Variants in CACNA2D4 observed in about 807,000 individuals in gnomAD.
CACNA2D4 encodes the protein voltage-dependent calcium channel subunit alpha-2/delta-4.
In CACNA2D4, 157 loss-of-function variants were observed where a neutral mutation model predicts 163.8. The observed-to-expected ratio is 0.96, with a 90% CI of 0.84 to 1.09. The LOEUF is 1.09. CACNA2D4 is among the 50% of genes least tolerant of loss of function. CACNA2D4 has a pLI of 0.00. For missense variants in CACNA2D4, 1,410 were observed against 1,479.9 expected, an observed-to-expected ratio of 0.95 and a Z score of 0.78; for synonymous variants, 598 against 586.9, an observed-to-expected ratio of 1.02 and a Z score of -0.27.
At chr12:1,826,407 C>A (rs1037276791) in intron 26 of CACNA2D4, among the ~76,000 whole-genome samples, 2 of 59,482 alleles carry the variant, frequency 3.4e-5, no homozygotes, top group Non-Finnish European at 4.5e-5. Context: ...AGAGCCCCCC[C>A]CCCCCCCCCG....
chr12:1,837,165 C>T (rs567671742), intron 26 of CACNA2D4, among the ~76,000 whole-genome samples: 5 of 152,372 alleles, frequency 3.3e-5, no homozygotes, highest in African/African-American at 1.2e-4. Context: ...TCGGCCCTGG[C>T]AGCCAGGACA....
intron 23 of CACNA2D4, among the ~76,000 whole-genome samples, chr12:1,852,511 AT>A (rs1781737787): frequency 6.6e-6 from 1 of 152,064 alleles, no homozygotes; most frequent in Non-Finnish European, 1.5e-5. Context: ...TCTCTACAAA[AT>A]TTTTTTAAAT....
intron 31 of CACNA2D4, 37 bp downstream of exon 31, chr12:1,801,006 G>A: frequency 6.3e-7 from 1 of 1,592,698 alleles, no homozygotes; most frequent in Non-Finnish European, 8.6e-7. Flanking sequence ...AGGACTGGCT[G>A]GCTGGCTGGC....
chr12:1,818,371 C>G (rs1257212672), intron 26 of CACNA2D4, among the ~76,000 whole-genome samples: 1 of 151,796 alleles, frequency 6.6e-6, no homozygotes, highest in East Asian at 1.9e-4. Flanking sequence ...GGATGGTTGC[C>G]GTGTCTGTGT....
In CACNA2D4 at chr12:1,793,678, G is replaced by T. The variant is rs772322577; in HGVS notation, c.3391C>A (p.Leu1131Ile). The change falls in exon 38 of 38, where the codon CTA (leucine) becomes ATA (isoleucine). Residue 1131 changes from leucine to isoleucine, a missense_variant. Physicochemically the swap from Leu to Ile is conservative, Grantham distance 5 (BLOSUM62 2). Coordinates refer to ENST00000382722, the MANE Select transcript of CACNA2D4 (RefSeq NM_172364.5). ...LLLLPVCAWG[L>I]LPQLLR The stretch of plus-strand genomic sequence containing the variant: ...TGTCACCGCAGGAGTTGGGGCAGTA[G>T]CCCCCAGGCACACACAGGCAGCAGG... 2 of 1,613,824 alleles carry T rather than the reference G, an allele frequency of 1.2e-6. No homozygotes were observed. The highest frequency in any genetic ancestry group is 4.5e-5 in the East Asian group (2 of 44,882).
At chr12:1,845,181 T>A (rs1865116158) in intron 24 of CACNA2D4, among the ~76,000 whole-genome samples, 1 of 152,300 alleles carries the variant, frequency 6.6e-6, no homozygotes, top group African/African-American at 2.4e-5. Context: ...AGAAGCAACC[T>A]GCCTTGTGAC....
At chr12:1,796,470 C>T (rs1863131144) in intron 35 of CACNA2D4, among the ~76,000 whole-genome samples, 1 of 152,234 alleles carries the variant, frequency 6.6e-6, no homozygotes, top group African/African-American at 2.4e-5. Flanking sequence ...CGGTCATAAG[C>T]GGGGGAGCGC....
At chr12:1,801,701 C>G (rs967603664) in intron 29 of CACNA2D4, 57 bp from the exon 30 acceptor site, 1 of 1,212,838 alleles carries the variant, frequency 8.2e-7, no homozygotes, top group African/African-American at 1.5e-5. Flanking sequence ...CAGGATGGAG[C>G]CTTCCGAGTC....
chr12:1,844,349 ATGAGACTGGCC>A lies in CACNA2D4; in HGVS notation c.2470+42_2470+52del. 2 of 1,597,710 alleles carry A rather than the reference ATGAGACTGGCC, an allele frequency of 1.3e-6. No individual in the cohort carries two copies. Among genetic ancestry groups the A allele is most frequent in the Non-Finnish European group, 1.7e-6 (2 of 1,169,812 alleles). On this transcript the variant is annotated intron_variant, in intron 25 of 37. Coordinates refer to ENST00000382722, the MANE Select transcript of CACNA2D4 (RefSeq NM_172364.5). The surrounding 1 kb of genome is among the most constrained non-coding windows in gnomAD (Gnocchi z 4.2). ...CACTAAGAGCACAGCAGGAGGAGAG[ATGAGACTGGCC>A]TGAGACTGGCCCAGCCCCGGGAGCA...
At chr12:1,856,807 G>T (rs1375955007) in intron 20 of CACNA2D4, among the ~76,000 whole-genome samples, 1 of 152,178 alleles carries the variant, frequency 6.6e-6, no homozygotes, top group African/African-American at 2.4e-5. Flanking sequence ...GATGCTCCAT[G>T]GCACCTACTC....
intron 37 of CACNA2D4, 182 bp downstream of exon 37, chr12:1,795,117 G>A (rs1308400626): frequency 1.7e-6 from 1 of 604,706 alleles, no homozygotes; most frequent in East Asian, 2.8e-5. Flanking sequence ...ACTAAATAAA[G>A]ATCTGTTTCT....
intron 35 of CACNA2D4, 21 bp downstream of exon 35, chr12:1,797,397 G>T: frequency 6.7e-7 from 1 of 1,499,480 alleles, no homozygotes; most frequent in South Asian, 1.2e-5. Context: ...CGGGACGGGC[G>T]GCGCCGCCCT....
rs140310524 is a variant in CACNA2D4, at chr12:1,831,509, G to A, written c.2551+9230C>T. 37 of 1,612,984 alleles carry A rather than the reference G, an allele frequency of 2.3e-5. No individual in the cohort carries two copies. The African/African-American group carries it at 4.7e-4, about 20-fold the overall frequency. On this transcript the variant is annotated intron_variant, in intron 26 of 37. Transcript: ENST00000382722. ...TGCGTGAGTTCAAACACTGGATGGA[G>A]TGGTTCTCCTACCGAGGTGAGCGCA...
rs145899509 is a variant in CACNA2D4, at chr12:1,822,960, G to T, written c.2552-11237C>A. On this transcript the variant is annotated intron_variant, in intron 26 of 37. Coordinates refer to ENST00000382722, the MANE Select transcript of CACNA2D4 (RefSeq NM_172364.5). ...TTGGTGGAAGGGCACGGCCCCTGCA[G>T]GCCCAGGGTGTGGGCCCAGTCGTGG... 1.5e-3 allele frequency among the ~76,000 whole-genome samples: 232 copies of T among 152,348 alleles called. 1 individual carries two copies. Among genetic ancestry groups the T allele is most frequent in the African/African-American group, 5.3e-3 (220 of 41,584 alleles).
intron 20 of CACNA2D4, among the ~76,000 whole-genome samples, chr12:1,857,686 G>A (rs759244753): frequency 2.0e-5 from 3 of 152,158 alleles, no homozygotes; most frequent in East Asian, 1.9e-4. Flanking sequence ...GGAGGGATGG[G>A]GTTGGATGGG....
At chr12:1,900,270 T>G (rs560076635) in intron 6 of CACNA2D4, among the ~76,000 whole-genome samples, 7 of 152,256 alleles carry the variant, frequency 4.6e-5, no homozygotes, top group East Asian at 1.9e-4. Flanking sequence ...GCACCACAGG[T>G]GCACACCACC....
intron 19 of CACNA2D4, 130 bp downstream of exon 19, chr12:1,860,015 G>T (rs1188776456): frequency 5.6e-6 from 4 of 708,994 alleles, no homozygotes; most frequent in African/African-American, 5.3e-5. Flanking sequence ...GGCAAAGCAG[G>T]TCTACACCTC....
At chr12:1,903,222 G>A (rs1163700124) in intron 6 of CACNA2D4, among the ~76,000 whole-genome samples, 1 of 151,980 alleles carries the variant, frequency 6.6e-6, no homozygotes, top group African/African-American at 2.4e-5. Flanking sequence ...AATCAAAGTG[G>A]ATTACATACT....
At position 1,860,848 on chromosome 12, in the gene CACNA2D4, G is replaced by A. The variant is rs186591352; in HGVS notation, c.1879-642C>T. On this transcript the variant is annotated intron_variant, in intron 18 of 37. Transcript: ENST00000382722. ...TTTGTATAAACTAGGGCATCATGTA[G>A]TACAAAAGTGGCTAAGGGCATGGCT... 2.0e-3 allele frequency among the ~76,000 whole-genome samples: 303 copies of A among 152,334 alleles called. 2 individuals are homozygous for A. Among genetic ancestry groups the A allele is most frequent in the Non-Finnish European group, 3.1e-3 (213 of 68,032 alleles).
Sources: allele counts gnomAD v4.1 joint callset (sites outside exome capture counted in the v4.1 genomes callset), GRCh38; gene constraint gnomAD v4.1.1; non-coding constraint Gnocchi (gnomAD v3.1); transcripts MANE v1.5; gene names NCBI Gene and HGNC (gene_info 2026-07-23, HGNC 2026-07-21).